Variants in RHOBTB2 observed in about 807,000 individuals in gnomAD.
The protein encoded by RHOBTB2 is rho-related BTB domain-containing protein 2.
RHOBTB2 carries 39 observed loss-of-function variants against 66.5 expected under a neutral mutation model. That is an observed-to-expected ratio of 0.59 (90% CI 0.45 to 0.77). The LOEUF is 0.77. Ranked by LOEUF, RHOBTB2 falls within the 30% of genes least tolerant of loss-of-function variation. The pLI is 0.00. For missense variants in RHOBTB2, 755 were observed against 999.1 expected, an observed-to-expected ratio of 0.76 and a Z score of 3.29; for synonymous variants, 390 against 395.0, an observed-to-expected ratio of 0.99 and a Z score of 0.15.
the RHOBTB2 span, among the ~76,000 whole-genome samples, chr8:22,979,934 T>A: frequency 2.0e-5 from 3 of 151,726 alleles, no homozygotes; most frequent in African/African-American, 7.2e-5. Context: ...ATTTTTATAT[T>A]TTTTTAGTAG....
chr8:23,017,231 G>A lies in RHOBTB2; in HGVS notation c.1967-21G>A. The A allele has an allele frequency of 6.2e-7, 1 of 1,613,158 alleles. No individual in the cohort carries two copies. The highest frequency in any genetic ancestry group is 1.3e-5 in the African/African-American group (1 of 75,012). On this transcript the variant is annotated intron_variant, in intron 9 of 9. Transcript: ENST00000251822. The surrounding 1 kb of genome is among the most constrained non-coding windows in gnomAD (Gnocchi z 5.3). Reference sequence around the variant, plus strand: ...GTCCCTCTGCCTCCTTTCTAACCAAGCTGCCTGCTCTCTGCTCCAGAAAAC... The same window carrying A: ...GTCCCTCTGCCTCCTTTCTAACCAAACTGCCTGCTCTCTGCTCCAGAAAAC...
the RHOBTB2 span, among the ~76,000 whole-genome samples, chr8:22,965,261 A>C: frequency 4.6e-5 from 7 of 152,330 alleles, no homozygotes; most frequent in African/African-American, 1.7e-4. Flanking sequence ...ATTGTAATAC[A>C]ATTAAGCTAT....
At chr8:23,003,177 G>A (rs920510056) in intron 1 of RHOBTB2, among the ~76,000 whole-genome samples, 4 of 152,216 alleles carry the variant, frequency 2.6e-5, no homozygotes, top group African/African-American at 9.6e-5. Flanking sequence ...TGACGCTGGC[G>A]AAACCAAGCG....
chr8:23,013,422 T>C (rs1217780874), intron 7 of RHOBTB2, among the ~76,000 whole-genome samples: 1 of 152,038 alleles, frequency 6.6e-6, no homozygotes, highest in Non-Finnish European at 1.5e-5. Context: ...CATACTGCCT[T>C]ACTTTCCTTT....
At chr8:22,952,469 T>A in the RHOBTB2 span, among the ~76,000 whole-genome samples, 1 of 151,908 alleles carries the variant, frequency 6.6e-6, no homozygotes, top group African/African-American at 2.4e-5. Flanking sequence ...AGGCACTTTC[T>A]TTATACTGTT....
chr8:23,000,778 A>C (rs1385557596), intron 1 of RHOBTB2, among the ~76,000 whole-genome samples: 3 of 152,086 alleles, frequency 2.0e-5, no homozygotes, highest in Non-Finnish European at 4.4e-5. Context: ...TTCTCCATTC[A>C]ATCCATCTCC....
upstream of RHOBTB2, among the ~76,000 whole-genome samples, chr8:22,986,588 C>A (rs1363136395): frequency 6.6e-6 from 1 of 152,098 alleles, no homozygotes; most frequent in Non-Finnish European, 1.5e-5. Context: ...AATTTTCTTT[C>A]TCTCTTCCCT....
rs1811441095 is a variant in RHOBTB2 at position 23,019,814 on chromosome 8, C to T, written c.*2345C>T. The stretch of plus-strand genomic sequence containing the variant: ...CCCATTCCCCGAGAGCTGTCGGAAC[C>T]AGATGCAACCCGGCAGCCCAGAGAA... On this transcript the variant is annotated 3_prime_UTR_variant, in exon 10 of 10. Coordinates refer to ENST00000251822, the MANE Select transcript of RHOBTB2 (RefSeq NM_015178.3). 6.1e-6 allele frequency: 1 copy of T among 164,230 alleles called. No individual in the cohort carries two copies. The highest frequency in any genetic ancestry group is 2.4e-5 in the African/African-American group (1 of 41,532). The allele number at this position is 164,230 out of a possible 1,614,324, so 10.2% of individuals were successfully genotyped here. A position where few individuals can be genotyped will look rare whatever the true frequency, so the allele number is the denominator to read the frequency against.
At chr8:22,994,660 G>C, upstream of RHOBTB2, 21 of 1,541,934 alleles carry the variant, frequency 1.4e-5, no homozygotes, top group Non-Finnish European at 1.8e-5. Flanking sequence ...ACTGTGTACT[G>C]TGCTCTCCCT....
rs746278414 is a variant in RHOBTB2 at position 23,006,792 on chromosome 8, A to C, written c.547A>C (p.Ile183Leu). The C allele has an allele frequency of 4.3e-5, 69 of 1,613,990 alleles. No homozygotes were observed. Among genetic ancestry groups the C allele is most frequent in the Admixed American group, 8.3e-5 (5 of 60,004 alleles). ...KGREVAKELG[I>L]PYYETSVVAQ... ...TCGGGAGGTGGCCAAGGAGCTGGGC[A>C]TCCCCTACTATGAGACCAGCGTGGT... The change falls in exon 5 of 10, where the codon ATC (isoleucine) becomes CTC (leucine). Residue 183 changes from isoleucine to leucine, a missense_variant. Ile to Leu is a conservative substitution (Grantham distance 5). Transcript: ENST00000251822. This position sits in a 1 kb window ranked among gnomAD's most constrained non-coding sequence, Gnocchi z 6.1.
At position 23,017,167 on chromosome 8, in the gene RHOBTB2, C is replaced by A; in HGVS notation, c.1967-85C>A. ...GGCTGGGCTGGAGGCCTGCTGCAGG[C>A]CTTGTGGTGGGGTAGGGCTGGTGTC... On this transcript the variant is annotated intron_variant, in intron 9 of 9. Coordinates refer to ENST00000251822, the MANE Select transcript of RHOBTB2 (RefSeq NM_015178.3). The surrounding 1 kb of genome is among the most constrained non-coding windows in gnomAD (Gnocchi z 5.3). 6.4e-7 allele frequency: 1 copy of A among 1,552,442 alleles called. No individual in the cohort carries two copies.
upstream of RHOBTB2, chr8:22,995,914 G>A: frequency 6.5e-7 from 1 of 1,549,044 alleles, no homozygotes. Flanking sequence ...GAAGGGTAAA[G>A]CTGCCTGTGA....
chr8:22,971,422 T>C, the RHOBTB2 span, among the ~76,000 whole-genome samples: 1 of 151,866 alleles, frequency 6.6e-6, no homozygotes, highest in African/African-American at 2.4e-5. Context: ...TGGGCTCAAG[T>C]GATCCTTACA....
the RHOBTB2 span, among the ~76,000 whole-genome samples, chr8:22,967,144 A>G: frequency 6.6e-6 from 1 of 152,236 alleles, no homozygotes; most frequent in Non-Finnish European, 1.5e-5. Context: ...GTGTCCATCA[A>G]CCATCATCAT....
rs201976444 is a variant in RHOBTB2, at chr8:23,007,151, G to A, written c.906G>A (p.Glu302=). The A allele has an allele frequency of 3.7e-6, 6 of 1,606,224 alleles. No homozygotes were observed. In the East Asian group the frequency reaches 1.3e-4, roughly 36 times the overall value. ...FYDLFLMDLS[E]GELGGPSEPG... Reference sequence around the variant, plus strand: ...ACCTGTTCCTCATGGACCTGAGTGAGGGGGAGCTGGGGGGCCCCTCGGAGC... The same window carrying A: ...ACCTGTTCCTCATGGACCTGAGTGAAGGGGAGCTGGGGGGCCCCTCGGAGC... Residue 302 remains glutamate, a synonymous_variant, in exon 5 of 10, where the codon GAG becomes GAA. Transcript: ENST00000251822.
intron 2 of RHOBTB2, chr8:22,994,422 A>G: frequency 1.8e-6 from 1 of 542,960 alleles, no homozygotes; most frequent in Non-Finnish European, 3.3e-6. Context: ...GGACCCGGAC[A>G]TCAGGGGCCG....
At chr8:22,995,490 C>G (rs537340613), upstream of RHOBTB2, among the ~76,000 whole-genome samples, 1 of 152,322 alleles carries the variant, frequency 6.6e-6, no homozygotes, top group African/African-American at 2.4e-5. Context: ...GAAGTGATAT[C>G]TAGGCTGAGA....
chr8:22,960,186 A>C, the RHOBTB2 span, among the ~76,000 whole-genome samples: 34,634 of 150,960 alleles, frequency 0.23, 4,932 homozygotes, highest in East Asian at 0.42. Flanking sequence ...CCATCTAAAA[A>C]AAAAAACAAA....
the RHOBTB2 span, among the ~76,000 whole-genome samples, chr8:22,953,128 C>T: frequency 9.2e-5 from 14 of 152,198 alleles, no homozygotes; most frequent in East Asian, 3.9e-4. Context: ...ACCACATGTG[C>T]GGCGTGTTTA....
Sources: allele counts gnomAD v4.1 joint callset (sites outside exome capture counted in the v4.1 genomes callset), GRCh38; gene constraint gnomAD v4.1.1; non-coding constraint Gnocchi (gnomAD v3.1); transcripts MANE v1.5; gene names NCBI Gene and HGNC (gene_info 2026-07-23, HGNC 2026-07-21).